Variants in SV2C observed in about 807,000 individuals in gnomAD.
SV2C encodes synaptic vesicle glycoprotein 2C, also known as solute carrier family 22 member B3.
A neutral mutation model predicts 79.7 loss-of-function variants in SV2C; 49 were observed. The observed-to-expected ratio is 0.61, with a 90% confidence interval of 0.49 to 0.78. SV2C has a LOEUF of 0.78. Ranked by LOEUF, SV2C falls within the 30% of genes least tolerant of loss-of-function variation. The pLI, the probability that SV2C is intolerant of heterozygous loss-of-function variation, is 0.00. For synonymous variants in SV2C, 334 were observed against 333.2 expected (o/e 1.00, Z -0.03); for missense variants, 833 against 912.9 (o/e 0.91, Z 1.13).
At chr5:76,276,810 C>T (rs1747037855) in intron 4 of SV2C, among the ~76,000 whole-genome samples, 1 of 151,878 alleles carries the variant, frequency 6.6e-6, no homozygotes, top group Non-Finnish European at 1.5e-5. Flanking sequence ...CTCAAGCAGT[C>T]CTGCTGCCTT....
chr5:75,849,582 C>T, the SV2C span, among the ~76,000 whole-genome samples: 2 of 152,154 alleles, frequency 1.3e-5, no homozygotes, highest in South Asian at 2.1e-4. Context: ...TCAATCTTAC[C>T]TGAGCTTTTT....
chr5:75,968,896 A>T, the SV2C span, among the ~76,000 whole-genome samples: 1 of 151,858 alleles, frequency 6.6e-6, no homozygotes, highest in Non-Finnish European at 1.5e-5. Context: ...AGTTGAAATG[A>T]AGGAAAAAAT....
chr5:75,897,229 T>A, the SV2C span, among the ~76,000 whole-genome samples: 1 of 151,524 alleles, frequency 6.6e-6, no homozygotes, highest in East Asian at 1.9e-4. Context: ...TTAATCCATC[T>A]TGAATTAATT....
At chr5:75,930,074 T>G in the SV2C span, among the ~76,000 whole-genome samples, 2 of 152,214 alleles carry the variant, frequency 1.3e-5, no homozygotes, top group East Asian at 3.8e-4. Context: ...CTCTCCTTTC[T>G]GCTTTCTTCC....
the SV2C span, among the ~76,000 whole-genome samples, chr5:75,981,382 G>A: frequency 6.6e-6 from 1 of 152,006 alleles, no homozygotes; most frequent in Non-Finnish European, 1.5e-5. Context: ...AAATTCATAT[G>A]GAACCAAAAA....
chr5:76,206,912 T>A (rs917795357), intron 3 of SV2C, among the ~76,000 whole-genome samples: 1 of 152,224 alleles, frequency 6.6e-6, no homozygotes, highest in African/African-American at 2.4e-5. Flanking sequence ...GCAAAGGATT[T>A]AAATAGAAGC....
the SV2C span, among the ~76,000 whole-genome samples, chr5:75,979,328 C>T: frequency 1.3e-5 from 2 of 151,924 alleles, no homozygotes; most frequent in African/African-American, 4.8e-5. Flanking sequence ...ATCACTGAGA[C>T]AGAAAATTAA....
chr5:75,910,706 A>G, the SV2C span: 1 of 1,348,882 alleles, frequency 7.4e-7, no homozygotes, highest in East Asian at 2.3e-5. Flanking sequence ...GGAAGAGTTC[A>G]ACAAAGCCCA....
At chr5:75,919,526 C>T in the SV2C span, among the ~76,000 whole-genome samples, 1 of 152,198 alleles carries the variant, frequency 6.6e-6, no homozygotes, top group Non-Finnish European at 1.5e-5. Context: ...GATCCATGAA[C>T]TCTTCTATAG....
chr5:76,180,624 C>G (rs1399029568), intron 2 of SV2C, among the ~76,000 whole-genome samples: 1 of 152,222 alleles, frequency 6.6e-6, no homozygotes, highest in Non-Finnish European at 1.5e-5. Context: ...ACATCCCTGG[C>G]CTCCTCCTCT....
chr5:76,174,029 A>C, intron 2 of SV2C: 3 of 1,567,002 alleles, frequency 1.9e-6, no homozygotes, highest in Non-Finnish European at 2.6e-6. Context: ...GATTTCAAGC[A>C]TACACTGTTG....
At chr5:76,293,991 GAA>G (rs1160259841) in intron 8 of SV2C, among the ~76,000 whole-genome samples, 4 of 152,128 alleles carry the variant, frequency 2.6e-5, no homozygotes, top group Admixed American at 6.6e-5. Context: ...GTGTCACTGG[GAA>G]TAAACTAGAG....
chr5:76,136,979 C>G (rs1212733914), intron 2 of SV2C, among the ~76,000 whole-genome samples: 3 of 152,102 alleles, frequency 2.0e-5, no homozygotes, highest in East Asian at 1.9e-4. Flanking sequence ...AGAAAGCTGC[C>G]TCTGGCAGCA....
chr5:75,903,357 A>C, the SV2C span, among the ~76,000 whole-genome samples: 7 of 147,610 alleles, frequency 4.7e-5, no homozygotes, highest in African/African-American at 1.5e-4. Context: ...GAGAGGTACC[A>C]CAAAAAGGTG....
In SV2C at chr5:76,328,715, T is replaced by C. The variant is rs1749082414; in HGVS notation, c.*3168T>C. On this transcript the variant is annotated 3_prime_UTR_variant, in exon 13 of 13. Transcript: ENST00000502798. ...GTCTGCTCTCCACTCTCCAGCATTGTAGAAGACAGTAATGAAAATAGCTTC... is the reference window on the plus strand; with the variant it reads ...GTCTGCTCTCCACTCTCCAGCATTGCAGAAGACAGTAATGAAAATAGCTTC... 1 of 152,134 alleles carries C rather than the reference T, an allele frequency of 6.6e-6. No individual in the cohort carries two copies. The highest frequency in any genetic ancestry group is 1.5e-5 in the Non-Finnish European group (1 of 68,032). 9.4% of individuals were successfully genotyped at this position (152,134 alleles called of 1,614,324 possible).
the SV2C span, among the ~76,000 whole-genome samples, chr5:75,998,957 A>G: frequency 6.6e-6 from 1 of 152,134 alleles, no homozygotes; most frequent in Admixed American, 6.6e-5. Context: ...TACAAAAGAA[A>G]GAGTTTTAAT....
intron 2 of SV2C, among the ~76,000 whole-genome samples, chr5:76,180,130 G>T (rs1249383684): frequency 2.6e-5 from 4 of 152,100 alleles, no homozygotes; most frequent in African/African-American, 9.7e-5. Flanking sequence ...GAGAGTCCCT[G>T]CCCCTCCAGG....
At chr5:76,090,056 G>A (rs1747323817) in intron 1 of SV2C, among the ~76,000 whole-genome samples, 1 of 152,172 alleles carries the variant, frequency 6.6e-6, no homozygotes, top group Non-Finnish European at 1.5e-5. Context: ...AATTTCAGAA[G>A]CAATCGATGT....
the SV2C span, among the ~76,000 whole-genome samples, chr5:76,058,621 C>A: frequency 3.3e-5 from 5 of 151,974 alleles, no homozygotes; most frequent in South Asian, 2.1e-4. Context: ...GAGAATATTC[C>A]AAGTGCTGAA....
Sources: allele counts gnomAD v4.1 joint callset (sites outside exome capture counted in the v4.1 genomes callset), GRCh38; gene constraint gnomAD v4.1.1; transcripts MANE v1.5; gene names NCBI Gene and HGNC (gene_info 2026-07-23, HGNC 2026-07-21).